The following DCDC2C variants were observed in gnomAD, a reference collection of about 807,000 sequenced individuals.
DCDC2C encodes the protein doublecortin domain containing 2C.
A neutral mutation model predicts 45.0 loss-of-function variants in DCDC2C; 44 were observed. That is an observed-to-expected ratio of 0.98 (90% CI 0.77 to 1.26). DCDC2C has a LOEUF of 1.26. DCDC2C is among the 50% of genes most tolerant of loss of function. The probability of loss-of-function intolerance (pLI) is 0.00; values close to 1 mark genes in which losing one functional copy is unlikely to be tolerated. For missense variants in DCDC2C, 447 were observed against 468.9 expected (o/e 0.95, Z 0.43); for synonymous variants, 187 against 178.8 (o/e 1.05, Z -0.37).
intron 4 of DCDC2C, among the ~76,000 whole-genome samples, chr2:3,749,545 T>G (rs1669476490): frequency 6.6e-6 from 1 of 152,242 alleles, no homozygotes; most frequent in South Asian, 2.1e-4. Flanking sequence ...ACTGAGGAAT[T>G]TCTACTTCCC....
intron 10 of DCDC2C, among the ~76,000 whole-genome samples, chr2:3,785,595 G>A (rs938171184): frequency 2.6e-5 from 4 of 152,070 alleles, no homozygotes; most frequent in South Asian, 2.1e-4. Context: ...TAGCTGGGCC[G>A]GGAACCACAC....
intron 7 of DCDC2C, 85 bp downstream of exon 7, chr2:3,767,965 T>G: frequency 3.1e-6 from 4 of 1,305,072 alleles, no homozygotes; most frequent in Non-Finnish European, 3.0e-6. Flanking sequence ...CAGAGAAATC[T>G]TATACTCCAG....
At chr2:3,801,689 G>T (rs1482613287) in intron 10 of DCDC2C, among the ~76,000 whole-genome samples, 1 of 152,248 alleles carries the variant, frequency 6.6e-6, no homozygotes, top group East Asian at 1.9e-4. Context: ...GAGCTTGTGG[G>T]CTCCCTGTTA....
intron 2 of DCDC2C, among the ~76,000 whole-genome samples, chr2:3,724,893 A>G (rs983694769): frequency 9.9e-5 from 15 of 152,092 alleles, no homozygotes; most frequent in African/African-American, 3.4e-4. Context: ...GAAGTGAGGG[A>G]GGGACACGTT....
At chr2:3,739,120 CA>C (rs1669118736) in intron 3 of DCDC2C, among the ~76,000 whole-genome samples, 1 of 151,968 alleles carries the variant, frequency 6.6e-6, no homozygotes, top group Non-Finnish European at 1.5e-5. Flanking sequence ...CTTAAAAATT[CA>C]AAAAAATTTA....
At chr2:3,716,537 G>A (rs1668355124) in intron 2 of DCDC2C, among the ~76,000 whole-genome samples, 1 of 152,174 alleles carries the variant, frequency 6.6e-6, no homozygotes, top group African/African-American at 2.4e-5. Context: ...CTTTAAATGA[G>A]TTTTGCTCTA....
intron 2 of DCDC2C, among the ~76,000 whole-genome samples, chr2:3,719,325 T>A (rs1292213354): frequency 2.0e-5 from 3 of 152,180 alleles, no homozygotes; most frequent in Non-Finnish European, 4.4e-5. Flanking sequence ...GACCTCATGA[T>A]CTGCCCGCCT....
At chr2:3,757,103 A>G (rs1411522993) in intron 6 of DCDC2C, among the ~76,000 whole-genome samples, 1 of 152,196 alleles carries the variant, frequency 6.6e-6, no homozygotes, top group Non-Finnish European at 1.5e-5. Flanking sequence ...GTGTGTTTCT[A>G]AGAATGAAAA....
intron 9 of DCDC2C, among the ~76,000 whole-genome samples, chr2:3,780,480 G>C (rs1670479749): frequency 6.6e-6 from 1 of 152,188 alleles, no homozygotes; most frequent in African/African-American, 2.4e-5. Context: ...ATTTCTTAGA[G>C]TGAATCAAAA....
intron 2 of DCDC2C, among the ~76,000 whole-genome samples, chr2:3,720,287 G>T (rs562099235): frequency 2.6e-4 from 39 of 152,200 alleles, no homozygotes; most frequent in Non-Finnish European, 5.4e-4. Flanking sequence ...AGTCAGCTGC[G>T]GAAAGTATCA....
chr2:3,712,123 A>T lies in DCDC2C; in HGVS notation c.339+3523A>T, dbSNP rs532448360. Among the ~76,000 whole-genome samples the T allele has an allele frequency of 3.9e-5, 6 of 152,190 alleles. No individual in the cohort carries two copies. The East Asian group carries it at 1.2e-3, about 29-fold the overall frequency. ...TGAATGAGTTGGAACCACCACCAAG[A>T]GCTTTGGCCGACACACATGATTTAC... On this transcript the variant is annotated intron_variant, in intron 2 of 10. Coordinates refer to ENST00000399143, the MANE Select transcript of DCDC2C (RefSeq NM_001287444.2).
chr2:3,729,082 G>T (rs958101269), intron 3 of DCDC2C, among the ~76,000 whole-genome samples: 10 of 152,244 alleles, frequency 6.6e-5, no homozygotes, highest in African/African-American at 2.4e-4. Flanking sequence ...ACTTATACTG[G>T]CGTGGAAAAC....
At chr2:3,776,264 T>A (rs1670332360) in intron 8 of DCDC2C, among the ~76,000 whole-genome samples, 1 of 152,164 alleles carries the variant, frequency 6.6e-6, no homozygotes, top group Non-Finnish European at 1.5e-5. Flanking sequence ...TAAAAACAAC[T>A]CTTTCTTGGT....
intron 4 of DCDC2C, among the ~76,000 whole-genome samples, chr2:3,747,204 G>A (rs928062301): frequency 3.3e-5 from 5 of 152,288 alleles, no homozygotes; most frequent in South Asian, 4.1e-4. Context: ...AACTGGCCCC[G>A]GCCCCTCTGA....
rs150576904 is a variant in DCDC2C, at chr2:3,756,440, C to T, written c.726+1806C>T. On this transcript the variant is annotated intron_variant, in intron 6 of 10. Coordinates refer to ENST00000399143, the MANE Select transcript of DCDC2C (RefSeq NM_001287444.2). ...CTTTCCCAGTAACTAACAGATAGCC[C>T]TGGGCTTTGCTTTTCTGCTGTTGCA... Among the ~76,000 whole-genome samples the T allele has an allele frequency of 8.5e-4, 130 of 152,288 alleles. 1 individual carries two copies. The East Asian group carries it at 9.8e-3, about 12-fold the overall frequency.
At chr2:3,721,002 T>C (rs1480614150) in intron 2 of DCDC2C, among the ~76,000 whole-genome samples, 1 of 152,212 alleles carries the variant, frequency 6.6e-6, no homozygotes, top group African/African-American at 2.4e-5. Context: ...GTCTTTTGAT[T>C]CGTTCATTTC....
At chr2:3,837,262 A>G (rs115629373) in intron 10 of DCDC2C, among the ~76,000 whole-genome samples, 44 of 152,336 alleles carry the variant, frequency 2.9e-4, no homozygotes, top group African/African-American at 1.0e-3. Context: ...AGAGAACTCA[A>G]TCAATCGAGT....
At chr2:3,710,104 CA>C (rs1164819476) in intron 2 of DCDC2C, among the ~76,000 whole-genome samples, 1 of 152,116 alleles carries the variant, frequency 6.6e-6, no homozygotes, top group African/African-American at 2.4e-5. Context: ...TTCTCATTGA[CA>C]GAGGTGTCAA....
intron 2 of DCDC2C, among the ~76,000 whole-genome samples, chr2:3,724,120 G>A (rs989362404): frequency 2.6e-5 from 4 of 152,230 alleles, no homozygotes; most frequent in Admixed American, 6.5e-5. Context: ...TGTAACGCAC[G>A]ATGAGATCCA....
Sources: gnomAD v4.1 joint callset for allele counts (sites outside exome capture counted in the v4.1 genomes callset) on GRCh38, gnomAD v4.1.1 for gene constraint, MANE v1.5 for transcripts, NCBI Gene and HGNC (gene_info 2026-07-23, HGNC 2026-07-21) for gene names.